The following TACR3 variants were observed in gnomAD, a reference collection of about 807,000 sequenced individuals.
TACR3 encodes the protein neuromedin-K receptor.
Under a neutral mutation model 35.0 loss-of-function variants are expected in TACR3, and 34 were observed. That is an observed-to-expected ratio of 0.97 (90% CI 0.74 to 1.30). The LOEUF (loss-of-function observed/expected upper bound fraction) is 1.30. Ranked by LOEUF, TACR3 falls within the 50% of genes most tolerant of loss-of-function variation. The pLI, the probability that TACR3 is intolerant of heterozygous loss-of-function variation, is 0.00. For missense variants in TACR3, 558 were observed against 591.7 expected, an observed-to-expected ratio of 0.94 and a Z score of 0.59; for synonymous variants, 233 against 221.1, an observed-to-expected ratio of 1.05 and a Z score of -0.48.
intron 1 of TACR3, among the ~76,000 whole-genome samples, chr4:103,668,176 G>A (rs1465831980): frequency 2.6e-5 from 4 of 152,108 alleles, no homozygotes; most frequent in African/African-American, 7.2e-5. Flanking sequence ...CCTTGGATAT[G>A]TTGTAGGTCT....
chr4:103,712,964 G>T (rs1723004104), intron 1 of TACR3, among the ~76,000 whole-genome samples: 1 of 152,178 alleles, frequency 6.6e-6, no homozygotes, highest in Non-Finnish European at 1.5e-5. Context: ...TCATTAAAAA[G>T]TCAGGAAACA....
At chr4:103,688,788 T>G (rs1389120867) in intron 1 of TACR3, among the ~76,000 whole-genome samples, 2 of 152,170 alleles carry the variant, frequency 1.3e-5, no homozygotes, top group South Asian at 2.1e-4. Flanking sequence ...GGAACACTTT[T>G]ACACTGTTGG....
In TACR3 at chr4:103,626,193, C is replaced by T. The variant is rs78819925; in HGVS notation, c.888+30001G>A. Among the ~76,000 whole-genome samples, 1,206 of 152,260 alleles carry T rather than the reference C, an allele frequency of 7.9e-3. 14 individuals are homozygous for T. The highest frequency in any genetic ancestry group is 0.055 in the South Asian group (263 of 4,822). Reference sequence around the variant, plus strand: ...ATCATATGGGACAGATGTGAACTGACGTTTGTATTGTTATTCAACCTAGGT... The same window carrying T: ...ATCATATGGGACAGATGTGAACTGATGTTTGTATTGTTATTCAACCTAGGT... On this transcript the variant is annotated intron_variant, in intron 3 of 4. Coordinates refer to ENST00000304883, the MANE Select transcript of TACR3 (RefSeq NM_001059.3).
intron 1 of TACR3, among the ~76,000 whole-genome samples, chr4:103,710,069 C>A (rs1042385621): frequency 3.9e-5 from 6 of 152,150 alleles, no homozygotes; most frequent in Non-Finnish European, 7.4e-5. Flanking sequence ...AAGACTTTAA[C>A]ACTCCCCTGT....
chr4:103,612,654 G>A (rs2110298111), intron 3 of TACR3, among the ~76,000 whole-genome samples: 1 of 152,222 alleles, frequency 6.6e-6, no homozygotes, highest in East Asian at 1.9e-4. Flanking sequence ...GACTACAGGT[G>A]TGCACCACCA....
chr4:103,712,597 T>G (rs868566906), intron 1 of TACR3, among the ~76,000 whole-genome samples: 2 of 152,124 alleles, frequency 1.3e-5, no homozygotes, highest in African/African-American at 4.8e-5. Flanking sequence ...CCAAAGGCAA[T>G]GGCAACAAAA....
chr4:103,624,248 T>A (rs1724844590), intron 3 of TACR3: 1 of 152,176 alleles, frequency 6.6e-6, no homozygotes, highest in South Asian at 2.1e-4. Flanking sequence ...CTTTAGGGTG[T>A]TAGCAAAAAT....
intron 3 of TACR3, among the ~76,000 whole-genome samples, chr4:103,645,685 T>C (rs1337664202): frequency 6.6e-6 from 1 of 152,004 alleles, no homozygotes; most frequent in Non-Finnish European, 1.5e-5. Context: ...CAAGTTGAGA[T>C]TCTTTATTTT....
intron 4 of TACR3, among the ~76,000 whole-genome samples, chr4:103,590,597 AAAAAGC>A: frequency 6.6e-6 from 1 of 151,670 alleles, no homozygotes; most frequent in Non-Finnish European, 1.5e-5. Flanking sequence ...TTAGTGAAAA[AAAAAGC>A]AAGAGTTAAT....
At chr4:103,621,962 T>C (rs1323607423) in intron 3 of TACR3, among the ~76,000 whole-genome samples, 8 of 152,188 alleles carry the variant, frequency 5.3e-5, no homozygotes, top group Admixed American at 5.2e-4. Flanking sequence ...TATAAAAATA[T>C]AAAGAATGGG....
At chr4:103,685,261 T>C (rs1441474008) in intron 1 of TACR3, among the ~76,000 whole-genome samples, 1 of 152,060 alleles carries the variant, frequency 6.6e-6, no homozygotes, top group South Asian at 2.1e-4. Context: ...GTTAAGTGAA[T>C]AGTTGATAGT....
intron 3 of TACR3, among the ~76,000 whole-genome samples, chr4:103,609,566 C>G (rs1311218741): frequency 6.6e-6 from 1 of 151,992 alleles, no homozygotes; most frequent in African/African-American, 2.4e-5. Context: ...TCAGGGTAAA[C>G]AGAATACTTA....
At chr4:103,660,423 TAAA>T (rs970165006) in intron 1 of TACR3, among the ~76,000 whole-genome samples, 4 of 152,006 alleles carry the variant, frequency 2.6e-5, no homozygotes, top group Non-Finnish European at 4.4e-5. Context: ...TAATGCAAGA[TAAA>T]GAAGTTCTAG....
chr4:103,709,903 T>A (rs61397208), intron 1 of TACR3, among the ~76,000 whole-genome samples: 17,728 of 151,734 alleles, frequency 0.12, 1,350 homozygotes, highest in East Asian at 0.37. Flanking sequence ...AGATCAAAAG[T>A]GACAAAGAAG....
intron 1 of TACR3, among the ~76,000 whole-genome samples, chr4:103,694,979 T>C (rs1321602341): frequency 6.6e-6 from 1 of 152,172 alleles, no homozygotes; most frequent in Non-Finnish European, 1.5e-5. Flanking sequence ...TGTAATGTTA[T>C]AGTATTTTCC....
chr4:103,622,653 C>T (rs1025231475), intron 3 of TACR3, among the ~76,000 whole-genome samples: 1 of 152,124 alleles, frequency 6.6e-6, no homozygotes, highest in Non-Finnish European at 1.5e-5. Flanking sequence ...GGCGTGAACC[C>T]GGGAAGCGGA....
At chr4:103,696,445 G>T (rs561373073) in intron 1 of TACR3, among the ~76,000 whole-genome samples, 1 of 151,920 alleles carries the variant, frequency 6.6e-6, no homozygotes, top group Non-Finnish European at 1.5e-5. Flanking sequence ...TAAAAAAAAA[G>T]TATCACAAAT....
rs397932964 is a variant in TACR3, at chr4:103,680,512, CAT to C, written c.549-22111_549-22110del. Reference sequence around the variant, plus strand: ...ACATACATACACACACACACACACACATATATATATACACATATATATACATA... The same window carrying C: ...ACATACATACACACACACACACACACATATATATACACATATATATACATA... On this transcript the variant is annotated intron_variant, in intron 1 of 4. Coordinates refer to ENST00000304883, the MANE Select transcript of TACR3 (RefSeq NM_001059.3). Among the ~76,000 whole-genome samples, 209 of 146,044 alleles carry C rather than the reference CAT, an allele frequency of 1.4e-3. 1 individual carries two copies. The highest frequency in any genetic ancestry group is 3.2e-3 in the South Asian group (15 of 4,702).
At chr4:103,613,616 C>T (rs754764641) in intron 3 of TACR3, among the ~76,000 whole-genome samples, 5 of 152,082 alleles carry the variant, frequency 3.3e-5, no homozygotes, top group Non-Finnish European at 5.9e-5. Flanking sequence ...CATGAGCCAC[C>T]GTGCAAGACT....
Sources: allele counts gnomAD v4.1 joint callset (sites outside exome capture counted in the v4.1 genomes callset), GRCh38; gene constraint gnomAD v4.1.1; transcripts MANE v1.5; gene names NCBI Gene and HGNC (gene_info 2026-07-23, HGNC 2026-07-21).